ZNF148: variants seen among roughly 807,000 people sequenced by gnomAD.
ZNF148 encodes the protein Beta-Enolase Repressor Factor-1.
Under a neutral mutation model 67.7 loss-of-function variants are expected in ZNF148, and 7 were observed. The observed-to-expected ratio is 0.10, with a 90% CI of 0.06 to 0.19. The LOEUF is 0.19. ZNF148 is among the 10% of genes least tolerant of loss of function. The pLI is 1.00. For synonymous variants in ZNF148, 333 were observed against 330.7 expected, an observed-to-expected ratio of 1.01 and a Z score of -0.08; for missense variants, 583 against 947.1, an observed-to-expected ratio of 0.62 and a Z score of 5.05.
rs1216271318 is a variant in ZNF148 at position 125,232,851 on chromosome 3, G to A, written c.1875C>T (p.Ser625=). The change falls in exon 9 of 9, where the codon AGC becomes AGT. Residue 625 remains serine (S), a synonymous_variant. Coordinates refer to ENST00000360647, the MANE Select transcript of ZNF148 (RefSeq NM_021964.3). The surrounding 1 kb of genome is among the most constrained non-coding windows in gnomAD (Gnocchi z 4.2). ...RTSQNDAYLN[S]PSLNFVTDNQ... ...TATCAGTCACAAAGTTAAGGCTCGG[G>A]CTATTCAAATAGGCATCATTTTGGC... is the stretch of plus-strand genomic sequence containing the variant. 3.1e-6 allele frequency: 5 copies of A among 1,613,720 alleles called. No individual in the cohort carries two copies. The highest frequency in any genetic ancestry group is 4.2e-6 in the Non-Finnish European group (5 of 1,179,822).
intron 1 of ZNF148, among the ~76,000 whole-genome samples, chr3:125,337,016 C>CAAAA (rs1296364662): frequency 8.7e-6 from 1 of 115,370 alleles, no homozygotes. Context: ...TCTACTCTCA[C>CAAAA]AAAAAAAAAA....
intron 7 of ZNF148, among the ~76,000 whole-genome samples, chr3:125,264,069 C>T (rs1937464628): frequency 6.6e-6 from 1 of 152,224 alleles, no homozygotes; most frequent in East Asian, 1.9e-4. Context: ...ACCCTAAATC[C>T]ACAAGACAGA....
At chr3:125,303,387 C>A (rs1482863102) in intron 4 of ZNF148, among the ~76,000 whole-genome samples, 1 of 152,214 alleles carries the variant, frequency 6.6e-6, no homozygotes, top group Non-Finnish European at 1.5e-5. Flanking sequence ...AGGAACCCGG[C>A]TGCACATCAG....
intron 4 of ZNF148, among the ~76,000 whole-genome samples, chr3:125,296,505 A>G (rs1209459613): frequency 6.6e-6 from 1 of 152,136 alleles, no homozygotes; most frequent in Admixed American, 6.6e-5. Flanking sequence ...ATAATATACA[A>G]ATCTAGAAAT....
chr3:125,364,583 T>C (rs1476265173), intron 1 of ZNF148, among the ~76,000 whole-genome samples: 1 of 152,160 alleles, frequency 6.6e-6, no homozygotes, highest in Non-Finnish European at 1.5e-5. Context: ...ACACAGAAAT[T>C]GGGTTCCACT....
chr3:125,369,222 AC>A (rs1387929044), intron 1 of ZNF148, among the ~76,000 whole-genome samples: 2 of 124,120 alleles, frequency 1.6e-5, no homozygotes, highest in Admixed American at 2.0e-4. Flanking sequence ...AGATCACACC[AC>A]CGGACTCCAG....
intron 1 of ZNF148, among the ~76,000 whole-genome samples, chr3:125,331,557 AG>A (rs1259433661): frequency 2.0e-5 from 3 of 152,246 alleles, no homozygotes; most frequent in Non-Finnish European, 2.9e-5. Context: ...ATCATAACAT[AG>A]GAAGGAAAGC....
chr3:125,310,059 T>C (rs1940115103), intron 4 of ZNF148, among the ~76,000 whole-genome samples: 1 of 148,398 alleles, frequency 6.7e-6, no homozygotes, highest in Admixed American at 6.8e-5. Context: ...TTCTAAACAA[T>C]AATGGTTCAA....
At position 125,279,193 on chromosome 3, in the gene ZNF148, C is replaced by T. The variant is rs771041534; in HGVS notation, c.514G>A (p.Val172Ile). ...AAGGCAGCATTGCAGTGCTCACAAA[C>T]GTGAGATTTAGGGGTTTTCAAACCA... ...SLGLKTPKSH[V>I]CEHCNAAFRT... The change falls in exon 6 of 9, where the codon GTT becomes ATT. Residue 172 changes from valine to isoleucine, a missense_variant. Transcript: ENST00000360647. 29 of 1,602,754 alleles carry T rather than the reference C, an allele frequency of 1.8e-5. No homozygotes were observed. Among genetic ancestry groups the T allele is most frequent in the African/African-American group, 8.2e-5 (6 of 73,464 alleles).
At chr3:125,276,901 C>A (rs992439248) in intron 7 of ZNF148, among the ~76,000 whole-genome samples, 7 of 152,160 alleles carry the variant, frequency 4.6e-5, no homozygotes, top group African/African-American at 1.7e-4. Context: ...CAACACTGGG[C>A]AGGTACTTGC....
intron 4 of ZNF148, chr3:125,310,781 GT>G (rs766518819): frequency 6.5e-6 from 1 of 152,922 alleles, no homozygotes; most frequent in South Asian, 2.1e-4. Flanking sequence ...AGATGAAAAA[GT>G]TCTAGAGATC....
intron 1 of ZNF148, among the ~76,000 whole-genome samples, chr3:125,373,381 G>A (rs968141788): frequency 1.3e-5 from 2 of 151,792 alleles, no homozygotes; most frequent in East Asian, 2.0e-4. Flanking sequence ...GTGAGCCACC[G>A]CGCCCAGCTG....
intron 3 of ZNF148, among the ~76,000 whole-genome samples, chr3:125,322,143 C>T (rs1940805932): frequency 6.7e-6 from 1 of 149,112 alleles, no homozygotes; most frequent in Admixed American, 6.8e-5. Flanking sequence ...CATTCTCCTG[C>T]CTCAGCCTCC....
At chr3:125,293,267 C>T (rs1432912016) in intron 4 of ZNF148, among the ~76,000 whole-genome samples, 1 of 152,132 alleles carries the variant, frequency 6.6e-6, no homozygotes, top group Non-Finnish European at 1.5e-5. Flanking sequence ...CAATCCCTTT[C>T]TCTCTTTCAC....
chr3:125,259,068 C>G (rs1293550920), intron 7 of ZNF148, among the ~76,000 whole-genome samples: 1 of 151,912 alleles, frequency 6.6e-6, no homozygotes, highest in Non-Finnish European at 1.5e-5. Flanking sequence ...TACTAAGAGG[C>G]CTTTTGAGAA....
At chr3:125,344,617 C>G (rs1941868392) in intron 1 of ZNF148, 1 of 756,354 alleles carries the variant, frequency 1.3e-6, no homozygotes, top group Non-Finnish European at 2.4e-6. Context: ...CATAGATGTA[C>G]CATCTTTTAG....
chr3:125,357,134 T>C (rs189088269), intron 1 of ZNF148: 5 of 152,306 alleles, frequency 3.3e-5, no homozygotes, highest in Non-Finnish European at 5.9e-5. Flanking sequence ...ACTCACAAAG[T>C]TTCCCATCCC....
At chr3:125,306,496 C>A (rs540258954) in intron 4 of ZNF148, among the ~76,000 whole-genome samples, 2 of 152,242 alleles carry the variant, frequency 1.3e-5, no homozygotes, top group African/African-American at 4.8e-5. Context: ...ATTAATAGAA[C>A]TTTGGTCAAT....
intron 4 of ZNF148, among the ~76,000 whole-genome samples, chr3:125,309,540 A>G (rs1940082584): frequency 6.6e-6 from 1 of 152,252 alleles, no homozygotes; most frequent in Non-Finnish European, 1.5e-5. Flanking sequence ...AGGCAACTAA[A>G]TTAATTTGAT....
Sources: allele counts gnomAD v4.1 joint callset (sites outside exome capture counted in the v4.1 genomes callset), GRCh38; gene constraint gnomAD v4.1.1; non-coding constraint Gnocchi (gnomAD v3.1); transcripts MANE v1.5; gene names NCBI Gene and HGNC (gene_info 2026-07-23, HGNC 2026-07-21).